Variants in CAB39L observed in about 807,000 individuals in gnomAD.
CAB39L encodes the protein calcium binding protein 39 like.
A neutral mutation model predicts 39.1 loss-of-function variants in CAB39L; 23 were observed. The ratio of observed to expected loss-of-function variants is 0.59; its 90% CI spans 0.42 to 0.83. The LOEUF (loss-of-function observed/expected upper bound fraction) is 0.83. Among genes scored for constraint, CAB39L ranks in the 40% least tolerant of loss-of-function variants. CAB39L has a pLI of 0.00. For missense variants in CAB39L, 366 were observed against 391.9 expected (o/e 0.93, Z 0.56); for synonymous variants, 126 against 137.2 (o/e 0.92, Z 0.57).
At chr13:49,377,179 G>C in intron 4 of CAB39L, 48 bp from the exon 5 acceptor site, 1 of 1,493,208 alleles carries the variant, frequency 6.7e-7, no homozygotes, top group Non-Finnish European at 9.1e-7. Context: ...AAAATGTTTA[G>C]GCCATAAACA....
rs1397618508 is a variant in CAB39L at position 49,434,104 on chromosome 13, AT to A, written c.-127del. The A allele has an allele frequency of 2.2e-6, 1 of 455,762 alleles. No homozygotes were observed. The highest frequency in any genetic ancestry group is 7.0e-5 in the East Asian group (1 of 14,360). The allele number at this position is 455,762 out of a possible 1,614,324, so 28.2% of individuals were successfully genotyped here. The stretch of plus-strand genomic sequence containing the variant: ...AACTTACGCTTCTCTCCTTTAGTGC[AT>A]TGCTCTTGCATGAAGAATGAACAAA... On this transcript the variant is annotated 5_prime_UTR_variant, in exon 2 of 11. In the 5' UTR this introduces an upstream ATG that the reference lacks. Transcript: ENST00000409308.
intron 3 of CAB39L, among the ~76,000 whole-genome samples, chr13:49,415,013 T>C (rs1278811070): frequency 6.6e-6 from 1 of 151,390 alleles, no homozygotes; most frequent in East Asian, 1.9e-4. Context: ...CTGGCCAACA[T>C]GGTGAAATCC....
chr13:49,356,131 T>G (rs1955477104), intron 6 of CAB39L, among the ~76,000 whole-genome samples: 1 of 152,214 alleles, frequency 6.6e-6, no homozygotes, highest in South Asian at 2.1e-4. Context: ...GGAAACTTTA[T>G]AGTGGATTAG....
intron 9 of CAB39L, among the ~76,000 whole-genome samples, chr13:49,337,782 C>T (rs1954888607): frequency 6.6e-6 from 1 of 151,348 alleles, no homozygotes; most frequent in South Asian, 2.1e-4. Context: ...ACACGCCTAT[C>T]TCCCAAGTCG....
intron 1 of CAB39L, among the ~76,000 whole-genome samples, chr13:49,439,931 T>TTG (rs1014698313): frequency 7.4e-5 from 11 of 148,580 alleles, no homozygotes; most frequent in African/African-American, 2.7e-4. Context: ...GTTTTTTTTT[T>TTG]TTTTTTTTTT....
At chr13:49,392,978 A>G (rs1449016924) in intron 3 of CAB39L, 1 of 152,168 alleles carries the variant, frequency 6.6e-6, no homozygotes, top group Non-Finnish European at 1.5e-5. Context: ...TCTTAGCTCA[A>G]TTTACAAAAA....
At chr13:49,345,011 A>G (rs954852198) in intron 7 of CAB39L, among the ~76,000 whole-genome samples, 1 of 152,176 alleles carries the variant, frequency 6.6e-6, no homozygotes, top group African/African-American at 2.4e-5. Flanking sequence ...GAAACATTTG[A>G]CTGTCTTCAA....
At chr13:49,422,187 C>T (rs1566133208) in intron 3 of CAB39L, among the ~76,000 whole-genome samples, 1 of 152,042 alleles carries the variant, frequency 6.6e-6, no homozygotes, top group African/African-American at 2.4e-5. Flanking sequence ...ACAGTAAAAG[C>T]CTTTACTAAT....
rs188389901 is a variant in CAB39L, at chr13:49,327,550, C to T, written c.834+4397G>A. On this transcript the variant is annotated intron_variant, in intron 10 of 10. Coordinates refer to ENST00000409308, the MANE Select transcript of CAB39L (RefSeq NM_001079670.3). ...AACTCCTGGCCTCAAGTGATCCACC[C>T]ACCTCCGCCTCCCAGAGTTCTGGGA... Among the ~76,000 whole-genome samples the T allele has an allele frequency of 3.3e-3, 504 of 151,832 alleles. 2 individuals carry two copies. Among genetic ancestry groups the T allele is most frequent in the Admixed American group, 7.6e-3 (116 of 15,174 alleles).
intron 3 of CAB39L, among the ~76,000 whole-genome samples, chr13:49,431,494 G>A (rs1957324027): frequency 6.6e-6 from 1 of 152,140 alleles, no homozygotes; most frequent in South Asian, 2.1e-4. Flanking sequence ...ATCACTTGAG[G>A]TCAGGAGTTC....
chr13:49,439,906 A>T, intron 1 of CAB39L, among the ~76,000 whole-genome samples: 1 of 116,106 alleles, frequency 8.6e-6, no homozygotes, highest in Admixed American at 9.0e-5. Flanking sequence ...ATGTCTTTTG[A>T]CCACTTTTTA....
At chr13:49,431,694 G>T (rs1180802887) in intron 3 of CAB39L, among the ~76,000 whole-genome samples, 1 of 151,510 alleles carries the variant, frequency 6.6e-6, no homozygotes, top group African/African-American at 2.4e-5. Flanking sequence ...ACAACAGAGT[G>T]AGACTCTGTC....
intron 3 of CAB39L, among the ~76,000 whole-genome samples, chr13:49,387,134 C>T (rs1055980511): frequency 6.6e-6 from 1 of 152,134 alleles, no homozygotes. Flanking sequence ...ATCTGTAAAA[C>T]GAAGTTGTTC....
At chr13:49,432,990 C>T (rs1478577286) in intron 3 of CAB39L, among the ~76,000 whole-genome samples, 1 of 152,202 alleles carries the variant, frequency 6.6e-6, no homozygotes, top group Non-Finnish European at 1.5e-5. Flanking sequence ...ATGACTTCAG[C>T]ACCTGCTTAT....
chr13:49,369,251 C>G (rs1460309963), intron 5 of CAB39L, among the ~76,000 whole-genome samples: 1 of 152,180 alleles, frequency 6.6e-6, no homozygotes, highest in Non-Finnish European at 1.5e-5. Context: ...ACACTAAATA[C>G]TATACATAAA....
intron 1 of CAB39L, among the ~76,000 whole-genome samples, chr13:49,442,795 A>AC (rs1957555445): frequency 8.8e-5 from 11 of 124,356 alleles, no homozygotes; most frequent in Non-Finnish European, 1.1e-4. Context: ...CTCAAAAAAA[A>AC]AAAAAAAAAA....
At chr13:49,385,212 G>C (rs943042308) in intron 3 of CAB39L, among the ~76,000 whole-genome samples, 16 of 152,304 alleles carry the variant, frequency 1.1e-4, no homozygotes, top group African/African-American at 3.8e-4. Context: ...TTTTTCCCCT[G>C]CACTTTTATG....
At chr13:49,333,828 T>C (rs1954779364) in intron 9 of CAB39L, among the ~76,000 whole-genome samples, 2 of 151,992 alleles carry the variant, frequency 1.3e-5, no homozygotes, top group Non-Finnish European at 2.9e-5. Flanking sequence ...CGCCTCGGCC[T>C]CTCAAAATGC....
rs984444146 is a variant in CAB39L, at chr13:49,310,143, A to C, written c.*671T>G. 2.0e-5 allele frequency: 3 copies of C among 152,480 alleles called. No homozygotes were observed. Among genetic ancestry groups the C allele is most frequent in the African/African-American group, 7.2e-5 (3 of 41,422 alleles). The allele number at this position is 152,480 out of a possible 1,614,324, so 9.4% of individuals were successfully genotyped here. On this transcript the variant is annotated 3_prime_UTR_variant, in exon 11 of 11. Transcript: ENST00000409308. ...CCCCTATTCCCCGTGACCCTTGTTG[A>C]TCCATCCTCTTCCTGCTCAGTTGCT...
Sources: allele counts gnomAD v4.1 joint callset (sites outside exome capture counted in the v4.1 genomes callset), GRCh38; gene constraint gnomAD v4.1.1; transcripts MANE v1.5; gene names NCBI Gene and HGNC (gene_info 2026-07-23, HGNC 2026-07-21).